STPG2: variants seen among roughly 807,000 people sequenced by gnomAD.
STPG2 encodes sperm tail PG-rich repeat containing 2.
A neutral mutation model predicts 54.2 loss-of-function variants in STPG2; 56 were observed. That is an observed-to-expected ratio of 1.03 (90% CI 0.83 to 1.29). STPG2 has a LOEUF of 1.29. Ranked by LOEUF, STPG2 falls within the 50% of genes most tolerant of loss-of-function variation. The pLI, the probability that STPG2 is intolerant of heterozygous loss-of-function variation, is 0.00. For missense variants in STPG2, 596 were observed against 544.9 expected (o/e 1.09, Z -0.93); for synonymous variants, 200 against 181.8 (o/e 1.10, Z -0.81).
chr4:97,967,045 A>G (rs996600009), intron 7 of STPG2, among the ~76,000 whole-genome samples: 10 of 152,194 alleles, frequency 6.6e-5, no homozygotes, highest in African/African-American at 1.7e-4. Context: ...GAATGCCCCA[A>G]TTAAAAGACA....
At chr4:97,502,653 A>T (rs1383546625) in intron 4 of STPG2, among the ~76,000 whole-genome samples, 2 of 151,998 alleles carry the variant, frequency 1.3e-5, no homozygotes, top group Non-Finnish European at 1.5e-5. Flanking sequence ...GGTGGTAAAT[A>T]TTGAATTTAT....
At chr4:97,982,770 T>C (rs1421260384) in intron 5 of STPG2, among the ~76,000 whole-genome samples, 2 of 152,170 alleles carry the variant, frequency 1.3e-5, no homozygotes, top group Non-Finnish European at 2.9e-5. Flanking sequence ...AATAGAACCT[T>C]ACTTACTTGA....
intron 9 of STPG2, among the ~76,000 whole-genome samples, chr4:97,784,678 T>A (rs1408994206): frequency 6.6e-6 from 1 of 150,988 alleles, no homozygotes; most frequent in Middle Eastern, 3.4e-3. Context: ...TATTCAATGA[T>A]ACATGTTGCT....
At chr4:97,986,784 T>C (rs1734844406) in intron 5 of STPG2, among the ~76,000 whole-genome samples, 1 of 152,194 alleles carries the variant, frequency 6.6e-6, no homozygotes. Context: ...TTTGCTTAAA[T>C]ATCACTTTTC....
chr4:97,680,682 A>C (rs1723004907), intron 10 of STPG2, among the ~76,000 whole-genome samples: 1 of 152,046 alleles, frequency 6.6e-6, no homozygotes, highest in African/African-American at 2.4e-5. Flanking sequence ...CCCATTTTAA[A>C]GGTGAGGAAT....
intron 9 of STPG2, among the ~76,000 whole-genome samples, chr4:97,767,304 G>A (rs907978244): frequency 1.3e-5 from 2 of 152,084 alleles, no homozygotes; most frequent in Admixed American, 6.5e-5. Flanking sequence ...AAGAAGTGCA[G>A]TCACTGAAAC....
At chr4:97,692,437 A>G (rs1723401639) in intron 10 of STPG2, among the ~76,000 whole-genome samples, 1 of 152,148 alleles carries the variant, frequency 6.6e-6, no homozygotes, top group Admixed American at 6.5e-5. Flanking sequence ...CAAGAAAAAG[A>G]AAGAAATTCA....
At chr4:97,861,035 T>C (rs1294046611) in intron 8 of STPG2, among the ~76,000 whole-genome samples, 1 of 152,072 alleles carries the variant, frequency 6.6e-6, no homozygotes, top group Non-Finnish European at 1.5e-5. Context: ...CAGCAAAGGA[T>C]ACAATCAACA....
intron 9 of STPG2, among the ~76,000 whole-genome samples, chr4:97,758,662 T>C (rs1359320384): frequency 1.3e-5 from 2 of 151,908 alleles, no homozygotes; most frequent in East Asian, 3.9e-4. Flanking sequence ...TTAGGACAAA[T>C]ACCTAATCCA....
rs58876812 is a variant in STPG2 at position 97,564,843 on chromosome 4, C to A, written c.1321-5726G>T. Among the ~76,000 whole-genome samples, 932 of 152,238 alleles carry A rather than the reference C, an allele frequency of 6.1e-3. 28 individuals are homozygous for A. In the East Asian group the frequency reaches 0.098, roughly 16 times the overall value. On this transcript the variant is annotated intron_variant, in intron 10 of 10. Transcript: ENST00000295268. ...GGCTTCCCTTTGTGAGTAACCCGAC[C>A]TTTCTCTCTGGCTGCCGTTAACATT...
chr4:97,803,789 C>T (rs907953580), intron 9 of STPG2, among the ~76,000 whole-genome samples: 1 of 152,190 alleles, frequency 6.6e-6, no homozygotes, highest in Non-Finnish European at 1.5e-5. Flanking sequence ...GATCTGCCCG[C>T]CTAGGCCTCC....
At chr4:97,880,719 TG>T (rs981039282) in intron 8 of STPG2, among the ~76,000 whole-genome samples, 1 of 152,126 alleles carries the variant, frequency 6.6e-6, no homozygotes, top group African/African-American at 2.4e-5. Flanking sequence ...CTTTTTTTCC[TG>T]AGCATTTTTG....
intron 9 of STPG2, among the ~76,000 whole-genome samples, chr4:97,743,661 T>C (rs1725336147): frequency 6.6e-6 from 1 of 151,612 alleles, no homozygotes; most frequent in Non-Finnish European, 1.5e-5. Context: ...AGGAAAAATA[T>C]TCAAGTTCTA....
intron 5 of STPG2, among the ~76,000 whole-genome samples, chr4:97,987,054 G>C (rs1353805621): frequency 6.6e-6 from 1 of 152,166 alleles, no homozygotes; most frequent in Admixed American, 6.5e-5. Flanking sequence ...CCTAAGGGAA[G>C]AGTTGGCTAA....
chr4:98,085,540 C>T (rs1253050064), intron 5 of STPG2, among the ~76,000 whole-genome samples: 1 of 152,030 alleles, frequency 6.6e-6, no homozygotes, highest in Non-Finnish European at 1.5e-5. Flanking sequence ...TATATCTCAA[C>T]TTTTTTAGAT....
At chr4:97,908,222 C>T (rs1560583590) in intron 8 of STPG2, among the ~76,000 whole-genome samples, 1 of 152,174 alleles carries the variant, frequency 6.6e-6, no homozygotes, top group Non-Finnish European at 1.5e-5. Context: ...ACACACACTT[C>T]TCAAAAGAAG....
At chr4:97,996,514 A>G (rs562176320) in intron 5 of STPG2, among the ~76,000 whole-genome samples, 1 of 144,532 alleles carries the variant, frequency 6.9e-6, no homozygotes, top group South Asian at 2.3e-4. Context: ...CTGAAAGATA[A>G]CTCAGGAAAT....
At chr4:97,542,073 T>A (rs1169973297) in intron 4 of STPG2, among the ~76,000 whole-genome samples, 2 of 152,176 alleles carry the variant, frequency 1.3e-5, no homozygotes, top group Non-Finnish European at 2.9e-5. Context: ...AAGGACTTCA[T>A]GTCTAAAACA....
At chr4:97,767,076 A>C (rs1020740790) in intron 9 of STPG2, among the ~76,000 whole-genome samples, 7 of 152,160 alleles carry the variant, frequency 4.6e-5, no homozygotes, top group African/African-American at 1.7e-4. Flanking sequence ...ATGAGTCATA[A>C]GAAAACTTTT....
Sources: allele counts gnomAD v4.1 joint callset (sites outside exome capture counted in the v4.1 genomes callset), GRCh38; gene constraint gnomAD v4.1.1; transcripts MANE v1.5; gene names NCBI Gene and HGNC (gene_info 2026-07-23, HGNC 2026-07-21).